GSN: variants seen among roughly 807,000 people sequenced by gnomAD.
GSN encodes actin-depolymerizing factor.
Under a neutral mutation model 85.7 loss-of-function variants are expected in GSN, and 56 were observed. That is an observed-to-expected ratio of 0.65 (90% CI 0.53 to 0.82). The LOEUF (loss-of-function observed/expected upper bound fraction) is 0.82. Among genes scored for constraint, GSN ranks in the 40% least tolerant of loss-of-function variants. GSN has a pLI of 0.00. For synonymous variants in GSN, 373 were observed against 399.1 expected (o/e 0.93, Z 0.78); for missense variants, 857 against 979.8 (o/e 0.87, Z 1.67).
intron 5 of GSN, among the ~76,000 whole-genome samples, chr9:121,246,667 G>A (rs775428931): frequency 2.0e-4 from 31 of 151,734 alleles, no homozygotes; most frequent in Middle Eastern, 3.4e-3. Flanking sequence ...AGCTCTCATC[G>A]CCGCTCTTCA....
chr9:121,222,768 T>C (rs1340522776), intron 4 of GSN: 3 of 152,084 alleles, frequency 2.0e-5, no homozygotes, highest in African/African-American at 7.2e-5. Flanking sequence ...GAGGCAAATT[T>C]TAGAGCAGGA....
At chr9:121,304,014 G>A (rs1377311461) in intron 4 of GSN, among the ~76,000 whole-genome samples, 1 of 152,212 alleles carries the variant, frequency 6.6e-6, no homozygotes, top group African/African-American at 2.4e-5. Context: ...CTGACTCTTA[G>A]CATTCTTTCC....
chr9:121,227,263 G>A (rs958878432), intron 4 of GSN, among the ~76,000 whole-genome samples: 2 of 152,066 alleles, frequency 1.3e-5, no homozygotes, highest in Non-Finnish European at 2.9e-5. Context: ...GCGTGGTGGT[G>A]CGTGCCTGTA....
chr9:121,282,539 C>A (rs2057515510), intron 2 of GSN: 1 of 1,252,094 alleles, frequency 8.0e-7, no homozygotes, highest in Non-Finnish European at 1.0e-6. Flanking sequence ...GTTCCTCTTT[C>A]CCAAAGCTCA....
chr9:121,271,793 T>C (rs1174748093), intron 1 of GSN, among the ~76,000 whole-genome samples: 3 of 152,106 alleles, frequency 2.0e-5, no homozygotes, highest in African/African-American at 7.2e-5. Flanking sequence ...TGCAGGTCAA[T>C]CTCCCCTCCA....
At chr9:121,265,242 A>C (rs544294457), upstream of GSN, 1 of 152,364 alleles carries the variant, frequency 6.6e-6, no homozygotes, top group South Asian at 2.1e-4. Context: ...GTCTGTAATC[A>C]GAAGAGCCCC....
intron 4 of GSN, among the ~76,000 whole-genome samples, chr9:121,225,799 C>G (rs747834498): frequency 6.6e-5 from 10 of 152,056 alleles, no homozygotes; most frequent in Non-Finnish European, 1.2e-4. Flanking sequence ...CACAGCCTCA[C>G]AGGTATTTTT....
chr9:121,242,732 C>A (rs1399863907), intron 5 of GSN, among the ~76,000 whole-genome samples: 2 of 152,106 alleles, frequency 1.3e-5, no homozygotes, highest in Non-Finnish European at 2.9e-5. Flanking sequence ...ATGGTGCAGC[C>A]TCAGGACAAG....
intron 2 of GSN, among the ~76,000 whole-genome samples, chr9:121,300,402 CTTCT>C (rs1352919860): frequency 6.6e-6 from 1 of 151,850 alleles, no homozygotes; most frequent in African/African-American, 2.4e-5. Context: ...CCAATATTTC[CTTCT>C]TTCTTGTATG....
intron 2 of GSN, among the ~76,000 whole-genome samples, chr9:121,294,856 A>T (rs879375446): frequency 6.6e-6 from 1 of 152,196 alleles, no homozygotes; most frequent in South Asian, 2.1e-4. Flanking sequence ...AGACAGACTA[A>T]TGAACACTGC....
In GSN at chr9:121,286,687, G is replaced by A. The variant is rs1000498913; in HGVS notation, c.-10+5125G>A. Reference sequence around the variant, plus strand: ...GTCAGAGAAAGAAAGGAGACAATTTGTGATTGAACAGCCACTGTGGCCATC... The same window carrying A: ...GTCAGAGAAAGAAAGGAGACAATTTATGATTGAACAGCCACTGTGGCCATC... On this transcript the variant is annotated intron_variant, in intron 2 of 17. Transcript: ENST00000432226. The A allele has an allele frequency of 5.2e-6, 8 of 1,535,212 alleles. No individual in the cohort carries two copies. In the Admixed American group the frequency reaches 1.4e-4, roughly 26 times the overall value.
At chr9:121,228,425 T>TATATA (rs1491358330) in intron 4 of GSN, among the ~76,000 whole-genome samples, 16 of 19,468 alleles carry the variant, frequency 8.2e-4, no homozygotes, top group African/African-American at 3.1e-3. Context: ...TATATATATA[T>TATATA]TTTTTTTTTT....
intron 4 of GSN, among the ~76,000 whole-genome samples, chr9:121,214,935 A>G (rs953164147): frequency 1.3e-5 from 2 of 152,194 alleles, no homozygotes; most frequent in African/African-American, 4.8e-5. Context: ...TAAAAGTACC[A>G]TGAACTGGGT....
At chr9:121,225,619 C>G (rs2054258411) in intron 4 of GSN, among the ~76,000 whole-genome samples, 1 of 152,230 alleles carries the variant, frequency 6.6e-6, no homozygotes, top group South Asian at 2.1e-4. Context: ...GGTTTTCAAA[C>G]TAGCCACACC....
At chr9:121,312,052 C>A (rs1232764961) in intron 5 of GSN, 4 of 361,232 alleles carry the variant, frequency 1.1e-5, no homozygotes, top group African/African-American at 6.3e-5. Flanking sequence ...AATGGTTGTG[C>A]CAATTTATAT....
Position 121,298,423 on chromosome 9 carries a change from TCC to T in GSN, c.-9-3535_-9-3534del, listed in dbSNP as rs905083465. On this transcript the variant is annotated intron_variant, in intron 2 of 17. Coordinates refer to ENST00000432226, the MANE Select transcript of GSN (RefSeq NM_198252.3). Reference sequence around the variant, plus strand: ...CCTTTAGTCTTTTATCTGAACCATATCCCCCCTTAGGTGGGAGCAAGTTGTGG... The same window carrying T: ...CCTTTAGTCTTTTATCTGAACCATATCCCCTTAGGTGGGAGCAAGTTGTGG... 1.4e-4 allele frequency among the ~76,000 whole-genome samples: 22 copies of T among 152,008 alleles called. 1 individual carries two copies. Among genetic ancestry groups the T allele is most frequent in the African/African-American group, 4.1e-4 (17 of 41,358 alleles).
intron 5 of GSN, among the ~76,000 whole-genome samples, chr9:121,245,621 A>C (rs538186138): frequency 1.2e-4 from 18 of 152,206 alleles, no homozygotes; most frequent in Non-Finnish European, 2.1e-4. Context: ...TCGGCCTCCC[A>C]AAGAATTGGG....
intron 2 of GSN, among the ~76,000 whole-genome samples, chr9:121,293,769 T>G (rs34612219): frequency 1.8e-3 from 280 of 151,976 alleles, no homozygotes; most frequent in African/African-American, 6.6e-3. Flanking sequence ...CTCAGAGAGA[T>G]AGAAACTTAT....
At chr9:121,205,229 A>G (rs991899385), upstream of GSN, among the ~76,000 whole-genome samples, 3 of 152,244 alleles carry the variant, frequency 2.0e-5, no homozygotes, top group Non-Finnish European at 4.4e-5. Context: ...ATCTGTGGAA[A>G]GAAAGATTGG....
Sources: gnomAD v4.1 joint callset for allele counts (sites outside exome capture counted in the v4.1 genomes callset) on GRCh38, gnomAD v4.1.1 for gene constraint, MANE v1.5 for transcripts, NCBI Gene and HGNC (gene_info 2026-07-23, HGNC 2026-07-21) for gene names.